Variants in AKR1C1 observed in about 807,000 individuals in gnomAD.
The protein encoded by AKR1C1 is aldo-keto reductase family 1 member C1.
In AKR1C1, 32 loss-of-function variants were observed where a neutral mutation model predicts 40.6. The observed-to-expected ratio is 0.79, with a 90% CI of 0.60 to 1.06. The LOEUF (loss-of-function observed/expected upper bound fraction) is 1.06, where lower values mean the gene tolerates loss of function less well. Ranked by LOEUF, AKR1C1 falls within the 50% of genes least tolerant of loss-of-function variation. The pLI, the probability that AKR1C1 is intolerant of heterozygous loss-of-function variation, is 0.00. For synonymous variants in AKR1C1, 105 were observed against 134.2 expected, an observed-to-expected ratio of 0.78 and a Z score of 1.50; for missense variants, 320 against 363.5, an observed-to-expected ratio of 0.88 and a Z score of 0.97.
rs1262632519 is a variant in AKR1C1 at position 4,978,865 on chromosome 10, G to A, written c.*1123G>A. 1.3e-4 allele frequency: 20 copies of A among 152,164 alleles called. No homozygotes were observed. The highest frequency in any genetic ancestry group is 4.1e-4 in the African/African-American group (17 of 41,426). The allele number at this position is 152,164 out of a possible 1,614,324, so 9.4% of individuals were successfully genotyped here. ...AATTTTAAGAACAACTCTTACAAAG[G>A]CATTTAATTCTTATACATAATTTTC... is the stretch of plus-strand genomic sequence containing the variant. On this transcript the variant is annotated 3_prime_UTR_variant, in exon 9 of 9. Coordinates refer to ENST00000380872, the MANE Select transcript of AKR1C1 (RefSeq NM_001353.6).
Position 4,982,050 on chromosome 10 carries a change from TA to T in AKR1C1, c.*4309del, listed in dbSNP as rs1247783726. The stretch of plus-strand genomic sequence containing the variant: ...TCACTGTGGGGGGCGCACGGCAAGC[TA>T]TTCAACATTACGTACAGGCATTTGA... On this transcript the variant is annotated 3_prime_UTR_variant, in exon 9 of 9. Coordinates refer to ENST00000380872, the MANE Select transcript of AKR1C1 (RefSeq NM_001353.6). 1 of 152,274 alleles carries T rather than the reference TA, an allele frequency of 6.6e-6. No individual in the cohort carries two copies. The highest frequency in any genetic ancestry group is 1.5e-5 in the Non-Finnish European group (1 of 68,108). 9.4% of individuals were successfully genotyped at this position (152,274 alleles called of 1,614,324 possible).
At chr10:4,965,049 G>A (rs796704794) in intron 1 of AKR1C1, among the ~76,000 whole-genome samples, 9 of 152,350 alleles carry the variant, frequency 5.9e-5, no homozygotes, top group African/African-American at 2.2e-4. Context: ...AGCAGAGTGA[G>A]TCAATGTAAC....
rs1836570783 is a variant in AKR1C1, at chr10:4,978,922, G to C, written c.*1180G>C. On this transcript the variant is annotated 3_prime_UTR_variant, in exon 9 of 9. Coordinates refer to ENST00000380872, the MANE Select transcript of AKR1C1 (RefSeq NM_001353.6). ...CCTAAGTTAATCAGCTAATCATGAA[G>C]ACATGATTTTCATTTTAGAAAACAC... 2 of 152,204 alleles carry C rather than the reference G, an allele frequency of 1.3e-5. No individual in the cohort carries two copies. The highest frequency in any genetic ancestry group is 1.3e-4 in the Admixed American group (2 of 15,278). The allele number at this position is 152,204 out of a possible 1,614,324, so 9.4% of individuals were successfully genotyped here.
Position 4,979,146 on chromosome 10 carries a change from A to C in AKR1C1, c.*1404A>C, listed in dbSNP as rs1388378264. On this transcript the variant is annotated 3_prime_UTR_variant, in exon 9 of 9. Transcript: ENST00000380872. ...CATCCCAGCAAGTTTTGCAGCTCAC[A>C]GTTTTTTCCGTAAATTACTTATTCT... is the stretch of plus-strand genomic sequence containing the variant. 6.6e-6 allele frequency: 1 copy of C among 152,248 alleles called. No individual in the cohort carries two copies. The highest frequency in any genetic ancestry group is 1.5e-5 in the Non-Finnish European group (1 of 68,012). The allele number at this position is 152,248 out of a possible 1,614,324, so 9.4% of individuals were successfully genotyped here. A position where few individuals can be genotyped will look rare whatever the true frequency, so the allele number is the denominator to read the frequency against.
In AKR1C1 at chr10:4,977,762, G is replaced by C; in HGVS notation, c.*20G>C. 1 of 1,605,932 alleles carries C rather than the reference G, an allele frequency of 6.2e-7. No individual in the cohort carries two copies. Among genetic ancestry groups the C allele is most frequent in the Non-Finnish European group, 8.5e-7 (1 of 1,173,620 alleles). The stretch of plus-strand genomic sequence containing the variant: ...TATTAACATGGAGGGCATTGCATGA[G>C]GTCTGCCAGAAGGCCCTGCGTGTGG... On this transcript the variant is annotated 3_prime_UTR_variant, in exon 9 of 9. Transcript: ENST00000380872.
rs778993363 is a variant in AKR1C1, at chr10:4,966,989, T to C, written c.315T>C (p.Asn105=). The part of the protein sequence containing the change: ...VRPALERSLK[N]LQLDYVDLYL... ...CAGCCTTGGAAAGGTCACTGAAAAA[T>C]CTTCAATTGGATTATGTTGACCTCT... Residue 105 remains asparagine, a synonymous_variant, in exon 3 of 9, where the codon AAT becomes AAC. Coordinates refer to ENST00000380872, the MANE Select transcript of AKR1C1 (RefSeq NM_001353.6). The C allele has an allele frequency of 1.9e-6, 3 of 1,613,916 alleles. No homozygotes were observed. Among genetic ancestry groups the C allele is most frequent in the African/African-American group, 1.3e-5 (1 of 75,042 alleles).
chr10:4,977,740 T>G lies in AKR1C1; in HGVS notation c.970T>G (p.Ter324GluextTer26), dbSNP rs781984167. The G allele has an allele frequency of 6.2e-6, 10 of 1,611,778 alleles. No homozygotes were observed. In the African/African-American group the frequency reaches 1.2e-4, roughly 19 times the overall value. Residue 324 changes from the stop codon to glutamate (E), a stop_lost, in exon 9 of 9, where the codon TAA (stop) becomes GAA (glutamate). Coordinates refer to ENST00000380872, the MANE Select transcript of AKR1C1 (RefSeq NM_001353.6). Reference protein sequence around the residue: ...PPNYPFSDEY* With the variant: ...PPNYPFSDEYE ...TAATTATCCATTTTCTGATGAATAT[T>G]AACATGGAGGGCATTGCATGAGGTC...
intron 5 of AKR1C1, among the ~76,000 whole-genome samples, chr10:4,970,199 C>A (rs1015247855): frequency 3.3e-5 from 5 of 152,190 alleles, no homozygotes; most frequent in Non-Finnish European, 5.9e-5. Flanking sequence ...GATATTCTCC[C>A]AGTTCCAGTG....
intron 7 of AKR1C1, among the ~76,000 whole-genome samples, chr10:4,974,587 T>A (rs1185069221): frequency 2.0e-5 from 3 of 152,104 alleles, no homozygotes; most frequent in Non-Finnish European, 4.4e-5. Flanking sequence ...TGGGATTGAC[T>A]TTTTAAATAC....
At chr10:4,966,633 G>C (rs760393999) in intron 2 of AKR1C1, among the ~76,000 whole-genome samples, 14 of 152,312 alleles carry the variant, frequency 9.2e-5, no homozygotes, top group Non-Finnish European at 2.1e-4. Context: ...AACATGAGTT[G>C]TAAAACTTAC....
At position 4,965,985 on chromosome 10, in the gene AKR1C1, T is replaced by A. The variant is rs1138576; in HGVS notation, c.156T>A (p.Ala52=). ...IEAGFRHIDS[A]HLYNNEEQVG... is the part of the protein sequence containing the mutation. ...CTGGCTTCCGCCATATTGATTCTGCTCATTTATACAATAATGAGGAGCAGG... is the reference window on the plus strand; with the variant it reads ...CTGGCTTCCGCCATATTGATTCTGCACATTTATACAATAATGAGGAGCAGG... Residue 52 remains alanine (A), a synonymous_variant, in exon 2 of 9, where the codon GCT becomes GCA. Coordinates refer to ENST00000380872, the MANE Select transcript of AKR1C1 (RefSeq NM_001353.6). 1,850 of 1,614,188 alleles carry A rather than the reference T, an allele frequency of 1.1e-3. 4 individuals are homozygous for A. Among genetic ancestry groups the A allele is most frequent in the Non-Finnish European group, 1.4e-3 (1,644 of 1,180,000 alleles).
chr10:4,972,323 A>G lies in AKR1C1; in HGVS notation c.680+13A>G. ...GAGAAGAACCATGGTAATAAGAGATACAGGAAGTTTACCTAAAACACCGGT... is the reference window on the plus strand; with the variant it reads ...GAGAAGAACCATGGTAATAAGAGATGCAGGAAGTTTACCTAAAACACCGGT... On this transcript the variant is annotated intron_variant, in intron 6 of 8. Coordinates refer to ENST00000380872, the MANE Select transcript of AKR1C1 (RefSeq NM_001353.6). 1 of 1,608,344 alleles carries G rather than the reference A, an allele frequency of 6.2e-7. No homozygotes were observed. The highest frequency in any genetic ancestry group is 1.1e-5 in the South Asian group (1 of 90,800).
Position 4,978,496 on chromosome 10 carries a change from C to A in AKR1C1, c.*754C>A, listed in dbSNP as rs1376821067. 2.0e-5 allele frequency: 3 copies of A among 152,082 alleles called. No homozygotes were observed. The highest frequency in any genetic ancestry group is 4.4e-5 in the Non-Finnish European group (3 of 68,012). The allele number at this position is 152,082 out of a possible 1,614,324, so 9.4% of individuals were successfully genotyped here. On this transcript the variant is annotated 3_prime_UTR_variant, in exon 9 of 9. Transcript: ENST00000380872. ...CCACAGCTGAGAGTCAGGCCTGAAT[C>A]TTTGATGTGTGCCCATTCACAACGT...
chr10:4,972,289 G>A lies in AKR1C1; in HGVS notation c.659G>A (p.Gly220Glu). 1 of 1,613,758 alleles carries A rather than the reference G, an allele frequency of 6.2e-7. No homozygotes were observed. Residue 220 changes from glycine to glutamate, a missense_variant, in exon 6 of 9, where the codon GGA (glycine) becomes GAA (glutamate). Gly to Glu is a moderately conservative substitution (Grantham distance 98, BLOSUM62 -2). Transcript: ENST00000380872. ...GTTCTGGTTGCCTATAGTGCTCTGG[G>A]ATCCCACCGAGAAGAACCATGGTAA... Reference protein sequence around the residue: ...DIVLVAYSALGSHREEPWVDP... With the variant: ...DIVLVAYSALESHREEPWVDP...
chr10:4,971,082 C>T (rs1156586755), intron 5 of AKR1C1, among the ~76,000 whole-genome samples: 81 of 151,986 alleles, frequency 5.3e-4, no homozygotes, highest in Admixed American at 1.0e-3. Flanking sequence ...AAGTCATATT[C>T]CCATGACAAA....
At chr10:4,964,633 A>G (rs1370407235) in intron 1 of AKR1C1, among the ~76,000 whole-genome samples, 2 of 152,172 alleles carry the variant, frequency 1.3e-5, no homozygotes, top group East Asian at 1.9e-4. Flanking sequence ...CTGTATCCAA[A>G]TTTGTTACGT....
At chr10:4,974,369 C>T (rs1302973836) in intron 7 of AKR1C1, among the ~76,000 whole-genome samples, 1 of 151,550 alleles carries the variant, frequency 6.6e-6, no homozygotes, top group Non-Finnish European at 1.5e-5. Context: ...AATAACATCT[C>T]CCAAATTTTA....
At chr10:4,976,792 A>G (rs1324094113) in intron 8 of AKR1C1, among the ~76,000 whole-genome samples, 1 of 152,232 alleles carries the variant, frequency 6.6e-6, no homozygotes, top group Non-Finnish European at 1.5e-5. Flanking sequence ...TAATGTGTGA[A>G]AAAAACAAGC....
chr10:4,965,873 G>T, intron 1 of AKR1C1, 41 bp from the exon 2 acceptor site: 1 of 1,587,418 alleles, frequency 6.3e-7, no homozygotes, highest in Non-Finnish European at 8.5e-7. Context: ...TAACTCTCAG[G>T]CACATTAGTC....
Sources: allele counts gnomAD v4.1 joint callset (sites outside exome capture counted in the v4.1 genomes callset), GRCh38; gene constraint gnomAD v4.1.1; transcripts MANE v1.5; gene names NCBI Gene and HGNC (gene_info 2026-07-23, HGNC 2026-07-21).